Variants in SRD5A2 observed in about 807,000 individuals in gnomAD.
SRD5A2 encodes steroid 5 alpha-reductase 2, also known as 3-oxo-5-alpha-steroid 4-dehydrogenase 2.
Under a neutral mutation model 27.4 loss-of-function variants are expected in SRD5A2, and 30 were observed. The ratio of observed to expected loss-of-function variants is 1.10; its 90% CI spans 0.82 to 1.49. The LOEUF is 1.49. Among genes scored for constraint, SRD5A2 ranks in the 40% most tolerant of loss-of-function variants. The pLI, the probability that SRD5A2 is intolerant of heterozygous loss-of-function variation, is 0.00. For missense variants in SRD5A2, 348 were observed against 323.4 expected, an observed-to-expected ratio of 1.08 and a Z score of -0.58; for synonymous variants, 141 against 133.6, an observed-to-expected ratio of 1.06 and a Z score of -0.38.
At chr2:31,633,963 A>G in the SRD5A2 span, among the ~76,000 whole-genome samples, 2 of 152,206 alleles carry the variant, frequency 1.3e-5, no homozygotes, top group Non-Finnish European at 2.9e-5. Context: ...ATTTTTTTAA[A>G]TGCTAATTAG....
intron 1 of SRD5A2, among the ~76,000 whole-genome samples, chr2:31,535,295 C>A (rs552960091): frequency 1.8e-4 from 27 of 152,208 alleles, no homozygotes; most frequent in Non-Finnish European, 3.7e-4. Flanking sequence ...GCTGGGATTA[C>A]AGGCATGAGC....
chr2:31,614,083 T>G, the SRD5A2 span, among the ~76,000 whole-genome samples: 1 of 152,190 alleles, frequency 6.6e-6, no homozygotes, highest in African/African-American at 2.4e-5. Flanking sequence ...AAACTAATAA[T>G]GCCTTCCCAA....
intron 1 of SRD5A2, among the ~76,000 whole-genome samples, chr2:31,540,576 C>T (rs557917936): frequency 9.8e-5 from 15 of 152,292 alleles, no homozygotes; most frequent in African/African-American, 2.4e-4. Context: ...GTAAGAAACA[C>T]GAGGAATCTG....
the SRD5A2 span, among the ~76,000 whole-genome samples, chr2:31,653,939 G>A: frequency 3.9e-5 from 6 of 152,260 alleles, no homozygotes; most frequent in South Asian, 6.2e-4. Flanking sequence ...GATTACAGGC[G>A]TGACCCACTG....
rs1270186589 is a variant in SRD5A2 at position 31,525,177 on chromosome 2, CT to C, written c.*1018del. The stretch of plus-strand genomic sequence containing the variant: ...CATTCAGGCTGCCCCTAGGAGACAC[CT>C]TCTTGAACAGGTCCTGAGAACTACA... On this transcript the variant is annotated 3_prime_UTR_variant, in exon 5 of 5. Coordinates refer to ENST00000622030, the MANE Select transcript of SRD5A2 (RefSeq NM_000348.4). 1 of 222,738 alleles carries C rather than the reference CT, an allele frequency of 4.5e-6. No homozygotes were observed. Among genetic ancestry groups the C allele is most frequent in the African/African-American group, 2.2e-5 (1 of 44,706 alleles). 13.8% of individuals were successfully genotyped at this position (222,738 alleles called of 1,614,324 possible).
chr2:31,622,305 C>A, the SRD5A2 span, among the ~76,000 whole-genome samples: 2 of 152,100 alleles, frequency 1.3e-5, no homozygotes, highest in South Asian at 2.1e-4. Context: ...TGATCTCATT[C>A]CTTTTTCTAG....
chr2:31,604,512 T>C, the SRD5A2 span, among the ~76,000 whole-genome samples: 24 of 151,694 alleles, frequency 1.6e-4, no homozygotes, highest in Non-Finnish European at 3.4e-4. Context: ...ATCCCAACAG[T>C]GAACAATCTG....
intron 3 of SRD5A2, among the ~76,000 whole-genome samples, chr2:31,531,135 G>T (rs1480254527): frequency 6.6e-6 from 1 of 152,174 alleles, no homozygotes; most frequent in African/African-American, 2.4e-5. Context: ...CCACCTTCCG[G>T]GTATTGCGGT....
At chr2:31,625,169 T>C in the SRD5A2 span, among the ~76,000 whole-genome samples, 12 of 152,216 alleles carry the variant, frequency 7.9e-5, no homozygotes, top group Non-Finnish European at 7.3e-5. Context: ...TTTTGAGAAG[T>C]GTCTGTTCAT....
At chr2:31,639,524 A>C in the SRD5A2 span, among the ~76,000 whole-genome samples, 1 of 152,052 alleles carries the variant, frequency 6.6e-6, no homozygotes, top group Non-Finnish European at 1.5e-5. Context: ...TTTATACGAA[A>C]GGATTAGTGG....
the SRD5A2 span, among the ~76,000 whole-genome samples, chr2:31,660,393 C>G: frequency 2.0e-5 from 3 of 152,216 alleles, no homozygotes; most frequent in Admixed American, 6.6e-5. Flanking sequence ...GACTCAGCAA[C>G]CCCACTTCTA....
intron 1 of SRD5A2, among the ~76,000 whole-genome samples, chr2:31,551,594 A>G (rs2148078963): frequency 6.6e-6 from 1 of 152,338 alleles, no homozygotes; most frequent in African/African-American, 2.4e-5. Flanking sequence ...ACTGTGCTAA[A>G]AGTGAAAAAC....
chr2:31,596,757 A>C, the SRD5A2 span, among the ~76,000 whole-genome samples: 1 of 152,134 alleles, frequency 6.6e-6, no homozygotes, highest in Non-Finnish European at 1.5e-5. Context: ...GCAAAAAATA[A>C]AATAAAATAC....
chr2:31,577,572 C>G lies in SRD5A2; in HGVS notation c.281+3048G>C, dbSNP rs1020536817. Among the ~76,000 whole-genome samples the G allele has an allele frequency of 7.9e-5, 12 of 152,304 alleles. No homozygotes were observed. In the East Asian group the frequency reaches 1.9e-3, roughly 24 times the overall value. ...TTGAGAAAAGTACAATGAGTTTTAA[C>G]TTCTATTTGATGGGACATATTGCTG... On this transcript the variant is annotated intron_variant, in intron 1 of 4. Transcript: ENST00000622030.
chr2:31,541,560 A>AG (rs55922509), intron 1 of SRD5A2, among the ~76,000 whole-genome samples: 152,254 of 152,254 alleles, frequency 1, 76,127 homozygotes, highest in Non-Finnish European at 1. Flanking sequence ...TCCCCACTGC[A>AG]GAAGACCTAT....
chr2:31,624,548 C>T, the SRD5A2 span, among the ~76,000 whole-genome samples: 16 of 152,140 alleles, frequency 1.1e-4, no homozygotes, highest in Admixed American at 7.2e-4. Flanking sequence ...TGATGTTCCC[C>T]ACCCTGTGTC....
the SRD5A2 span, among the ~76,000 whole-genome samples, chr2:31,647,821 T>A: frequency 2.0e-5 from 3 of 152,222 alleles, no homozygotes; most frequent in Non-Finnish European, 4.4e-5. Context: ...AGATAATGCC[T>A]CTAAAATACA....
intron 1 of SRD5A2, among the ~76,000 whole-genome samples, chr2:31,577,779 C>T (rs1666988574): frequency 1.3e-5 from 2 of 152,126 alleles, no homozygotes; most frequent in Non-Finnish European, 2.9e-5. Flanking sequence ...CTCCTTAAGC[C>T]TCGAAACAGA....
chr2:31,611,661 A>T, the SRD5A2 span, among the ~76,000 whole-genome samples: 1 of 152,226 alleles, frequency 6.6e-6, no homozygotes, highest in Admixed American at 6.5e-5. Context: ...TTAAAATGAT[A>T]ATGCCAAATG....
Sources: allele counts gnomAD v4.1 joint callset (sites outside exome capture counted in the v4.1 genomes callset), GRCh38; gene constraint gnomAD v4.1.1; transcripts MANE v1.5; gene names NCBI Gene and HGNC (gene_info 2026-07-23, HGNC 2026-07-21).